PODN: variants seen among roughly 807,000 people sequenced by gnomAD.
The protein encoded by PODN is podocan, also known as podocan proteoglycan.
Under a neutral mutation model 52.7 loss-of-function variants are expected in PODN, and 40 were observed. The ratio of observed to expected loss-of-function variants is 0.76; its 90% CI spans 0.59 to 0.99. The LOEUF is 0.99. Ranked by LOEUF, PODN falls within the 50% of genes least tolerant of loss-of-function variation. The probability of loss-of-function intolerance (pLI) is 0.00; values close to 1 mark genes in which losing one functional copy is unlikely to be tolerated. For synonymous variants in PODN, 396 were observed against 377.9 expected, an observed-to-expected ratio of 1.05 and a Z score of -0.56; for missense variants, 720 against 815.1, an observed-to-expected ratio of 0.88 and a Z score of 1.42.
At chr1:53,079,360 T>C (rs909847174) in intron 8 of PODN, among the ~76,000 whole-genome samples, 2 of 152,112 alleles carry the variant, frequency 1.3e-5, no homozygotes, top group Non-Finnish European at 2.9e-5. Context: ...TGAGAAGGGC[T>C]GTGGAGGTAA....
At chr1:53,074,697 G>T (rs758570733) in intron 4 of PODN, 27 bp downstream of exon 4, 2 of 1,608,154 alleles carry the variant, frequency 1.2e-6, no homozygotes, top group Non-Finnish European at 1.7e-6. Context: ...AGGGTGGGGG[G>T]TTGCTGCCCT....
intron 1 of PODN, among the ~76,000 whole-genome samples, chr1:53,069,494 T>G (rs1644079145): frequency 2.0e-5 from 3 of 152,168 alleles, no homozygotes; most frequent in African/African-American, 7.2e-5. Context: ...AGTGCCAGGA[T>G]AGCAAGGGTT....
chr1:53,063,533 TG>T, intron 1 of PODN: 1 of 985,516 alleles, frequency 1.0e-6, no homozygotes, highest in Non-Finnish European at 1.2e-6. Context: ...GGAGGCCGGC[TG>T]ATCTGCAGGC....
At chr1:53,083,581 C>T (rs556792678) in intron 10 of PODN, among the ~76,000 whole-genome samples, 2 of 152,334 alleles carry the variant, frequency 1.3e-5, no homozygotes, top group Non-Finnish European at 2.9e-5. Flanking sequence ...CTTCCGTTTT[C>T]TCTGTGCAGC....
chr1:53,081,679 G>A (rs904068793), intron 9 of PODN, among the ~76,000 whole-genome samples: 3 of 152,228 alleles, frequency 2.0e-5, no homozygotes, highest in Non-Finnish European at 4.4e-5. Context: ...TGCCAGGGAT[G>A]GCATAGAGAC....
intron 4 of PODN, among the ~76,000 whole-genome samples, chr1:53,075,130 T>C (rs779883119): frequency 6.6e-6 from 1 of 152,188 alleles, no homozygotes; most frequent in African/African-American, 2.4e-5. Flanking sequence ...CTGAACTCTC[T>C]GGAGGTGACC....
chr1:53,063,799 G>A (rs1477169590), intron 1 of PODN, among the ~76,000 whole-genome samples: 1 of 152,154 alleles, frequency 6.6e-6, no homozygotes, highest in Admixed American at 6.5e-5. Context: ...TTTAGGCTTG[G>A]TGTAGTCATA....
chr1:53,078,411 T>C lies in PODN; in HGVS notation c.901T>C (p.Ser301Pro), dbSNP rs1306422585. 8.1e-6 allele frequency: 13 copies of C among 1,613,388 alleles called. No homozygotes were observed. Among genetic ancestry groups the C allele is most frequent in the South Asian group, 3.3e-5 (3 of 91,082 alleles). Residue 301 changes from serine to proline, a missense_variant, in exon 8 of 11, where the codon TCT becomes CCT. Ser to Pro is a moderately conservative substitution (Grantham distance 74, BLOSUM62 -1). Coordinates refer to ENST00000312553, the MANE Select transcript of PODN (RefSeq NM_153703.5). Reference protein sequence around the residue: ...EYLDLSSNNLSRVPAGLPRSL... With the variant: ...EYLDLSSNNLPRVPAGLPRSL... ...CCTGGATCTGTCCAGCAACAACCTG[T>C]CTCGGGTCCCAGCTGGGCTGCCGCG... is the stretch of plus-strand genomic sequence containing the variant.
At chr1:53,068,642 T>G (rs1644067656) in intron 1 of PODN, among the ~76,000 whole-genome samples, 1 of 152,166 alleles carries the variant, frequency 6.6e-6, no homozygotes, top group African/African-American at 2.4e-5. Flanking sequence ...ACAACGAAAC[T>G]GAGGCTCAGC....
chr1:53,062,809 A>C (rs1643977180), intron 1 of PODN, among the ~76,000 whole-genome samples: 1 of 152,196 alleles, frequency 6.6e-6, no homozygotes, highest in African/African-American at 2.4e-5. Context: ...AGAGGGGCAG[A>C]GGTCTGGCCC....
At chr1:53,077,407 G>T in intron 6 of PODN, 61 bp downstream of exon 6, 2 of 1,583,500 alleles carry the variant, frequency 1.3e-6, no homozygotes, top group Non-Finnish European at 1.7e-6. Flanking sequence ...ACTGGGGCAG[G>T]GGCCTGCAGG....
rs753897068 is a variant in PODN, at chr1:53,074,666, AC to A, written c.468del (p.Asn156LysfsTer3). On this transcript the variant is annotated frameshift_variant, in exon 4 of 11. Transcript: ENST00000312553. LOFTEE classifies it high-confidence loss of function. ...TNLNYLYLAN[N>X]KLTLAPRFLP... is the part of the protein sequence containing the mutation. ...CTCAATTACCTGTACTTGGCCAATA[AC>A]AAGGTGAGGGGCTTGAGGCAGGGTG... 3.7e-6 allele frequency: 6 copies of A among 1,613,436 alleles called. No homozygotes were observed. The South Asian group carries it at 6.6e-5, about 18-fold the overall frequency.
At chr1:53,066,646 G>A (rs542849934) in intron 1 of PODN, among the ~76,000 whole-genome samples, 15 of 152,260 alleles carry the variant, frequency 9.9e-5, no homozygotes, top group Admixed American at 3.3e-4. Context: ...GGAGAGCAGC[G>A]TAGCATTGTT....
intron 4 of PODN, among the ~76,000 whole-genome samples, chr1:53,075,446 C>T (rs772865925): frequency 5.9e-5 from 9 of 152,214 alleles, no homozygotes; most frequent in Non-Finnish European, 1.3e-4. Context: ...GTCCTCAGCT[C>T]TTACCGCACT....
At chr1:53,074,474 T>C (rs1644164219) in intron 3 of PODN, 132 bp from the exon 4 acceptor site, 6 of 990,150 alleles carry the variant, frequency 6.1e-6, no homozygotes, top group South Asian at 1.4e-5. Flanking sequence ...CCCCAACTGC[T>C]TGGGAGGGGA....
intron 4 of PODN, 68 bp downstream of exon 4, chr1:53,074,738 ATGAACTTTCACCAGGGCCT>A: frequency 7.1e-7 from 1 of 1,410,706 alleles, no homozygotes; most frequent in Non-Finnish European, 9.6e-7. Context: ...CCTGAGTTCC[ATGAACTTTCACCAGGGCCT>A]TTCTGGACTC....
At chr1:53,063,234 G>T in intron 1 of PODN, 1 of 442,076 alleles carries the variant, frequency 2.3e-6, no homozygotes, top group Non-Finnish European at 3.0e-6. Flanking sequence ...AGGAGCAGGC[G>T]CGGCAGCAAG....
chr1:53,066,697 G>A, intron 1 of PODN: 2 of 904,424 alleles, frequency 2.2e-6, no homozygotes, highest in South Asian at 1.7e-5. Context: ...CCACTTAACA[G>A]CTGTTCACTG....
At chr1:53,074,485 T>A (rs1644164602) in intron 3 of PODN, 121 bp from the exon 4 acceptor site, 2 of 1,115,808 alleles carry the variant, frequency 1.8e-6, no homozygotes, top group South Asian at 1.3e-5. Context: ...TGGGAGGGGA[T>A]CTGAGCTGCC....
Sources: gnomAD v4.1 joint callset for allele counts (sites outside exome capture counted in the v4.1 genomes callset) on GRCh38, gnomAD v4.1.1 for gene constraint, MANE v1.5 for transcripts, NCBI Gene and HGNC (gene_info 2026-07-23, HGNC 2026-07-21) for gene names.